The following KCNH8 variants were observed in gnomAD, a reference collection of about 807,000 sequenced individuals.
KCNH8 encodes potassium voltage-gated channel subfamily H member 8, also known as voltage-gated delayed rectifier potassium channel KCNH8.
Under a neutral mutation model 103.6 loss-of-function variants are expected in KCNH8, and 70 were observed. The observed-to-expected ratio is 0.68, with a 90% CI of 0.56 to 0.82. The LOEUF is 0.82. Among genes scored for constraint, KCNH8 ranks in the 40% least tolerant of loss-of-function variants. KCNH8 has a pLI of 0.00. For missense variants in KCNH8, 1,217 were observed against 1,329.9 expected, an observed-to-expected ratio of 0.92 and a Z score of 1.32; for synonymous variants, 498 against 489.4, an observed-to-expected ratio of 1.02 and a Z score of -0.23.
At chr3:19,172,353 T>G (rs1201357061) in intron 1 of KCNH8, among the ~76,000 whole-genome samples, 1 of 151,070 alleles carries the variant, frequency 6.6e-6, no homozygotes, top group African/African-American at 2.5e-5. Flanking sequence ...TCTTGTCTTT[T>G]TAATGATTTT....
chr3:19,270,023 T>G (rs1036218513), intron 2 of KCNH8, among the ~76,000 whole-genome samples: 1 of 152,128 alleles, frequency 6.6e-6, no homozygotes, highest in African/African-American at 2.4e-5. Flanking sequence ...TAGTATATAG[T>G]CTTCTTAAAT....
At chr3:19,151,101 T>C (rs1382765303) in intron 1 of KCNH8, among the ~76,000 whole-genome samples, 1 of 152,146 alleles carries the variant, frequency 6.6e-6, no homozygotes, top group Non-Finnish European at 1.5e-5. Context: ...CAAATTTTGG[T>C]ATATCTAGAA....
chr3:19,316,940 A>G (rs950894166), intron 3 of KCNH8, among the ~76,000 whole-genome samples: 2 of 152,032 alleles, frequency 1.3e-5, no homozygotes, highest in South Asian at 2.1e-4. Flanking sequence ...GGCGGAATCT[A>G]TTCATTGATC....
intron 1 of KCNH8, among the ~76,000 whole-genome samples, chr3:19,214,509 A>G (rs997471795): frequency 6.6e-6 from 1 of 152,142 alleles, no homozygotes; most frequent in African/African-American, 2.4e-5. Flanking sequence ...AGCTCCTTTG[A>G]CTTAAGGCAA....
At chr3:19,265,371 C>T (rs968147138) in intron 2 of KCNH8, among the ~76,000 whole-genome samples, 3 of 152,218 alleles carry the variant, frequency 2.0e-5, no homozygotes, top group East Asian at 1.9e-4. Flanking sequence ...ACCAGCAGAG[C>T]GTTAAATGAA....
At chr3:19,374,033 G>A (rs1187696732) in intron 5 of KCNH8, among the ~76,000 whole-genome samples, 3 of 152,056 alleles carry the variant, frequency 2.0e-5, no homozygotes, top group East Asian at 1.9e-4. Flanking sequence ...TTCCAAGTAC[G>A]TGGTCAATTT....
intron 14 of KCNH8, 58 bp downstream of exon 14, chr3:19,515,486 T>A: frequency 1.2e-6 from 1 of 836,348 alleles, no homozygotes; most frequent in Non-Finnish European, 1.6e-6. Flanking sequence ...ACTTGTAATG[T>A]TTGTTATGGG....
At chr3:19,355,562 G>A (rs1036879241) in intron 5 of KCNH8, among the ~76,000 whole-genome samples, 3 of 152,120 alleles carry the variant, frequency 2.0e-5, no homozygotes, top group African/African-American at 7.2e-5. Flanking sequence ...CATAAAAAAG[G>A]ATGAGTTCAT....
intron 3 of KCNH8, among the ~76,000 whole-genome samples, chr3:19,309,964 GAT>G (rs2065188257): frequency 1.3e-5 from 2 of 151,894 alleles, no homozygotes; most frequent in African/African-American, 4.8e-5. Context: ...CTTGTTGCTA[GAT>G]AATCAGGTTT....
chr3:19,313,870 G>T (rs996803127), intron 3 of KCNH8, among the ~76,000 whole-genome samples: 1 of 151,702 alleles, frequency 6.6e-6, no homozygotes, highest in African/African-American at 2.4e-5. Flanking sequence ...GAATTAAGTG[G>T]GAATTTGCAT....
intron 11 of KCNH8, among the ~76,000 whole-genome samples, chr3:19,499,886 G>C (rs1423998776): frequency 1.3e-5 from 2 of 151,986 alleles, no homozygotes; most frequent in South Asian, 2.1e-4. Context: ...ATCAACTAAC[G>C]AGCAAAATAA....
At chr3:19,202,658 T>C (rs539849452) in intron 1 of KCNH8, among the ~76,000 whole-genome samples, 2 of 152,282 alleles carry the variant, frequency 1.3e-5, no homozygotes, top group Non-Finnish European at 2.9e-5. Flanking sequence ...TGCACAGTCC[T>C]GTTCTATAGA....
intron 5 of KCNH8, among the ~76,000 whole-genome samples, chr3:19,348,904 TTG>T (rs2065762879): frequency 1.3e-5 from 2 of 151,882 alleles, no homozygotes; most frequent in South Asian, 2.1e-4. Context: ...AGTTGTTTTT[TTG>T]TGTGTTTTTT....
chr3:19,276,922 C>T (rs2125270966), intron 2 of KCNH8, among the ~76,000 whole-genome samples: 1 of 152,180 alleles, frequency 6.6e-6, no homozygotes, highest in African/African-American at 2.4e-5. Context: ...TTTATTGCAG[C>T]ACTATTCACA....
intron 1 of KCNH8, among the ~76,000 whole-genome samples, chr3:19,206,300 C>T (rs1359218058): frequency 7.4e-6 from 1 of 134,726 alleles, no homozygotes; most frequent in South Asian, 2.1e-4. Flanking sequence ...TTTATCCACT[C>T]GTTGATTGAT....
intron 1 of KCNH8, among the ~76,000 whole-genome samples, chr3:19,176,697 T>C (rs2063403058): frequency 6.6e-6 from 1 of 152,164 alleles, no homozygotes; most frequent in African/African-American, 2.4e-5. Flanking sequence ...TTTGATTGTT[T>C]AATTTCATAA....
At chr3:19,318,666 C>CGTGTGTGTGTGT (rs1559474389) in intron 3 of KCNH8, among the ~76,000 whole-genome samples, 24 of 68,358 alleles carry the variant, frequency 3.5e-4, no homozygotes, top group African/African-American at 1.5e-3. Context: ...TGTGTGTACA[C>CGTGTGTGTGTGT]ACACACACAC....
Position 19,510,376 on chromosome 3 carries a change from TATC to T in KCNH8, c.2056_2058del (p.Ser686del). The T allele has an allele frequency of 1.3e-6, 2 of 1,583,960 alleles. No individual in the cohort carries two copies. The highest frequency in any genetic ancestry group is 1.7e-6 in the Non-Finnish European group (2 of 1,152,742). ...TTGTTCTTTCAGGTGATATCAAGAC[TATC>T]AAACAAATCTATGGTCTCACAGGTA... is the stretch of plus-strand genomic sequence containing the variant. On this transcript the variant is annotated inframe_deletion, in exon 12 of 16. Transcript: ENST00000328405.
chr3:19,463,378 A>C (rs1575095656), intron 11 of KCNH8, among the ~76,000 whole-genome samples: 1 of 152,160 alleles, frequency 6.6e-6, no homozygotes, highest in African/African-American at 2.4e-5. Flanking sequence ...GACAAAATGG[A>C]AGAATATATC....
Sources: gnomAD v4.1 joint callset for allele counts (sites outside exome capture counted in the v4.1 genomes callset) on GRCh38, gnomAD v4.1.1 for gene constraint, MANE v1.5 for transcripts, NCBI Gene and HGNC (gene_info 2026-07-23, HGNC 2026-07-21) for gene names.